Variants in HUWE1 observed in about 807,000 individuals in gnomAD.
HUWE1 encodes the protein HECT, UBA and WWE domain containing E3 ubiquitin protein ligase 1.
A neutral mutation model predicts 299.4 loss-of-function variants in HUWE1; 18 were observed. The ratio of observed to expected loss-of-function variants is 0.06; its 90% CI spans 0.04 to 0.09. The LOEUF (loss-of-function observed/expected upper bound fraction) is 0.09, where lower values mean the gene tolerates loss of function less well. Ranked by LOEUF, HUWE1 falls within the 10% of genes least tolerant of loss-of-function variation. The probability of loss-of-function intolerance (pLI) is 1.00; values close to 1 mark genes in which losing one functional copy is unlikely to be tolerated. For missense variants in HUWE1, 1,832 were observed against 3,462.3 expected, an observed-to-expected ratio of 0.53 and a Z score of 11.82; for synonymous variants, 1,317 against 1,286.1, an observed-to-expected ratio of 1.02 and a Z score of -0.51.
chrX:53,631,519 G>T, intron 10 of HUWE1, 37 bp from the exon 11 acceptor site: 1 of 1,178,509 alleles, frequency 8.5e-7, no homozygotes, highest in Non-Finnish European at 1.2e-6. Context: ...GGAACAAAAA[G>T]TGAACCAAAC....
rs1556989011 is a variant in HUWE1 at position 53,600,260 on chromosome X, G to A, written c.3021C>T (p.Gly1007=). ...AAGSMDASTQ[G]LLEGIGLDGD... ...CATCTAGCCCAATGCCTTCTAATAA[G>A]CCCTGGGTAGAAGCATCCATACTTC... Residue 1007 remains glycine, a synonymous_variant, in exon 29 of 84, where the codon GGC becomes GGT. Transcript: ENST00000262854. The A allele has an allele frequency of 8.3e-7, 1 of 1,210,055 alleles. No homozygotes were observed. Among genetic ancestry groups the A allele is most frequent in the Admixed American group, 2.2e-5 (1 of 46,017 alleles).
At chrX:53,592,682 A>T in intron 32 of HUWE1, 54 bp from the exon 33 acceptor site, 1 of 884,310 alleles carries the variant, frequency 1.1e-6, no homozygotes, top group Non-Finnish European at 1.6e-6. Flanking sequence ...TTCAAAGCTC[A>T]GAAGGATTAA....
At chrX:53,581,713 C>A (rs999746548) in intron 42 of HUWE1, among the ~76,000 whole-genome samples, 1 of 110,743 alleles carries the variant, frequency 9.0e-6, no homozygotes, top group Non-Finnish European at 1.9e-5. Flanking sequence ...CACATTATAC[C>A]CTCTGTATCT....
At chrX:53,633,748 T>G (rs2067024612) in intron 8 of HUWE1, among the ~76,000 whole-genome samples, 1 of 112,050 alleles carries the variant, frequency 8.9e-6, no homozygotes, top group Non-Finnish European at 1.9e-5. Flanking sequence ...GAGGATGGCC[T>G]GAGCTCATAA....
At position 53,580,933 on chromosome X, in the gene HUWE1, G is replaced by A; in HGVS notation, c.5614C>T (p.Arg1872Cys). 1.7e-6 allele frequency: 2 copies of A among 1,210,981 alleles called. No homozygotes were observed. The highest frequency in any genetic ancestry group is 2.2e-6 in the Non-Finnish European group (2 of 894,937). Residue 1872 changes from arginine (R) to cysteine (C), a missense_variant, in exon 43 of 84, where the codon CGT (arginine) becomes TGT (cysteine). Around this residue, in one of 15 missense-constraint regions of HUWE1, gnomAD observed 50 missense variants for 114.9 expected, o/e 0.44. Transcript: ENST00000262854. Reference sequence around the variant, plus strand: ...CGGCATGCGGCTGGCCCAAGGACACGAAGGATGTAGTTGATCTCCCGAGAG... The same window carrying A: ...CGGCATGCGGCTGGCCCAAGGACACAAAGGATGTAGTTGATCTCCCGAGAG... ...LGSREINYILRVLGPAACRNP... is the reference protein window; with the variant it reads ...LGSREINYILCVLGPAACRNP...
intron 2 of HUWE1, among the ~76,000 whole-genome samples, chrX:53,683,322 C>T (rs782674764): frequency 9.0e-6 from 1 of 111,025 alleles, no homozygotes; most frequent in Non-Finnish European, 1.9e-5. Context: ...CTGCTTGAAC[C>T]CTAAGCCTTA....
At chrX:53,636,767 T>TA (rs1393342341) in intron 7 of HUWE1, among the ~76,000 whole-genome samples, 1 of 112,151 alleles carries the variant, frequency 8.9e-6, no homozygotes, top group Admixed American at 9.4e-5. Context: ...AGTCACGTAT[T>TA]AAAGATATTC....
At chrX:53,602,980 T>C (rs868931313) in intron 27 of HUWE1, among the ~76,000 whole-genome samples, 137 of 109,059 alleles carry the variant, frequency 1.3e-3, no homozygotes, top group African/African-American at 4.2e-3. Flanking sequence ...GCCTCCCAAA[T>C]AGCTGGGATT....
chrX:53,683,934 C>T (rs1424037484), intron 2 of HUWE1: 1 of 292,238 alleles, frequency 3.4e-6, no homozygotes, highest in Non-Finnish European at 6.0e-6. Context: ...AATTCTCCGG[C>T]TTAGAACGGC....
intron 42 of HUWE1, among the ~76,000 whole-genome samples, chrX:53,582,217 T>C (rs1018417058): frequency 1.8e-5 from 2 of 112,844 alleles, no homozygotes; most frequent in Admixed American, 9.3e-5. Context: ...TCCTAGCACT[T>C]TGAACTTGTA....
Position 53,647,491 on chromosome X carries a change from T to C in HUWE1, c.228A>G (p.Ser76=), listed in dbSNP as rs1381266499. Residue 76 remains serine (S), a synonymous_variant, in exon 6 of 84, where the codon TCA becomes TCG. Coordinates refer to ENST00000262854, the MANE Select transcript of HUWE1 (RefSeq NM_031407.7). ...CTGGCCTATCACATACGAGCATCCA[T>C]GACATATTCTCCACTGTCTGTCCAG... ...ADAGQTVENM[S]WMLVCDRPER... 1.7e-6 allele frequency: 2 copies of C among 1,204,914 alleles called. No homozygotes were observed. The highest frequency in any genetic ancestry group is 1.8e-5 in the African/African-American group (1 of 57,020).
intron 14 of HUWE1, 63 bp from the exon 15 acceptor site, chrX:53,628,683 G>A: frequency 8.3e-7 from 1 of 1,204,978 alleles, no homozygotes; most frequent in Non-Finnish European, 1.1e-6. Context: ...AAGCAGGCAG[G>A]ATATTAAAAA....
chrX:53,545,569 A>G (rs188263701), intron 70 of HUWE1, among the ~76,000 whole-genome samples: 2 of 112,016 alleles, frequency 1.8e-5, no homozygotes, highest in Admixed American at 9.5e-5. Flanking sequence ...GCCTAACCTC[A>G]TAACGTTGCT....
Position 53,604,571 on chromosome X carries a change from C to A in HUWE1, c.2742+18G>T, listed in dbSNP as rs781935160. On this transcript the variant is annotated intron_variant, in intron 26 of 83. Coordinates refer to ENST00000262854, the MANE Select transcript of HUWE1 (RefSeq NM_031407.7). ...ACTGCCTTTAAATTAATATGTTCAC[C>A]CCTAAGGTTATTTTTACCTGTCCAA... is the stretch of plus-strand genomic sequence containing the variant. 3 of 1,208,589 alleles carry A rather than the reference C, an allele frequency of 2.5e-6. No individual in the cohort carries two copies. The Admixed American group carries it at 6.5e-5, about 26-fold the overall frequency.
intron 31 of HUWE1, among the ~76,000 whole-genome samples, chrX:53,594,287 A>G (rs2064332870): frequency 8.9e-6 from 1 of 111,939 alleles, no homozygotes; most frequent in South Asian, 3.7e-4. Flanking sequence ...AGACCCTTAC[A>G]AACACAACTC....
At chrX:53,553,358 G>A (rs2061851629) in intron 61 of HUWE1, among the ~76,000 whole-genome samples, 1 of 108,222 alleles carries the variant, frequency 9.2e-6, no homozygotes, top group Admixed American at 9.7e-5. Flanking sequence ...TGGCCAGGCT[G>A]ATCTTGAATT....
In HUWE1 at chrX:53,586,906, A is replaced by G; in HGVS notation, c.4618T>C (p.Leu1540=). The G allele has an allele frequency of 8.3e-7, 1 of 1,211,230 alleles. No individual in the cohort carries two copies. Among genetic ancestry groups the G allele is most frequent in the Non-Finnish European group, 1.1e-6 (1 of 895,118 alleles). The change falls in exon 38 of 84, where the codon TTG becomes CTG. Residue 1540 remains leucine, a synonymous_variant. Transcript: ENST00000262854. ...ILLLTLLFEE[L]KLPCAWVVES... Reference sequence around the variant, plus strand: ...ACCACCCAAGCACAAGGTAGCTTCAACTCCTGATAGATCAAAGGGAAAAAA... The same window carrying G: ...ACCACCCAAGCACAAGGTAGCTTCAGCTCCTGATAGATCAAAGGGAAAAAA...
chrX:53,630,410 T>A (rs1346325316), intron 12 of HUWE1, among the ~76,000 whole-genome samples: 3 of 111,769 alleles, frequency 2.7e-5, no homozygotes, highest in African/African-American at 9.8e-5. Context: ...AGTACCTCAA[T>A]ATTAAACGAA....
Position 53,539,792 on chromosome X carries a change from C to A in HUWE1, c.11497G>T (p.Gly3833Trp), listed in dbSNP as rs782335134. The A allele has an allele frequency of 7.4e-6, 9 of 1,208,828 alleles. No individual in the cohort carries two copies. The Admixed American group carries it at 1.5e-4, about 21-fold the overall frequency. Residue 3833 changes from glycine (G) to tryptophan (W), a missense_variant, in exon 75 of 84, where the codon GGG becomes TGG. This residue lies in a region of HUWE1 where 27 missense variants were observed against 21.1 expected (regional missense o/e 1.28). Transcript: ENST00000262854. ...GGTCTTTCTTCCTTTTCCTTCTCCC[C>A]CTGTGGGGTTCCATCGGAGGCTGGA... is the stretch of plus-strand genomic sequence containing the variant. ...QSIASDGTPQGEKEKEERPPE... is the reference protein window; with the variant it reads ...QSIASDGTPQWEKEKEERPPE...
Sources: allele counts gnomAD v4.1 joint callset (sites outside exome capture counted in the v4.1 genomes callset), GRCh38; gene constraint gnomAD v4.1.1; regional missense constraint gnomAD v4.1.1; transcripts MANE v1.5; gene names NCBI Gene and HGNC (gene_info 2026-07-23, HGNC 2026-07-21).